GALNT14: variants seen among roughly 807,000 people sequenced by gnomAD.
GALNT14 encodes the protein polypeptide N-acetylgalactosaminyltransferase 14.
In GALNT14, 60 loss-of-function variants were observed where a neutral mutation model predicts 77.5. The ratio of observed to expected loss-of-function variants is 0.77; its 90% CI spans 0.63 to 0.96. GALNT14 has a LOEUF of 0.96. Among genes scored for constraint, GALNT14 ranks in the 40% least tolerant of loss-of-function variants. The pLI is 0.00. For synonymous variants in GALNT14, 280 were observed against 281.7 expected (o/e 0.99, Z 0.06); for missense variants, 710 against 731.0 (o/e 0.97, Z 0.33).
At chr2:31,132,941 G>C (rs1166762882) in intron 1 of GALNT14, among the ~76,000 whole-genome samples, 1 of 152,066 alleles carries the variant, frequency 6.6e-6, no homozygotes, top group Non-Finnish European at 1.5e-5. Flanking sequence ...ATCCTACACT[G>C]GGTGGATCAG....
intron 1 of GALNT14, among the ~76,000 whole-genome samples, chr2:31,047,781 T>C (rs1485887455): frequency 1.3e-5 from 2 of 152,216 alleles, no homozygotes; most frequent in Admixed American, 6.5e-5. Flanking sequence ...AAGCAGGTCC[T>C]GGAATCTGCA....
chr2:31,017,149 C>G (rs1671419335), intron 1 of GALNT14, among the ~76,000 whole-genome samples: 1 of 152,210 alleles, frequency 6.6e-6, no homozygotes. Context: ...GAATTTTGTT[C>G]CCACATTTTC....
intron 8 of GALNT14, among the ~76,000 whole-genome samples, chr2:30,942,620 C>T (rs376765072): frequency 1.3e-5 from 2 of 152,206 alleles, no homozygotes; most frequent in Non-Finnish European, 2.9e-5. Context: ...CCTGCTATTC[C>T]GATGACCCAG....
intron 1 of GALNT14, among the ~76,000 whole-genome samples, chr2:31,021,782 T>C (rs73923392): frequency 0.035 from 5,399 of 152,242 alleles, 311 homozygotes; most frequent in African/African-American, 0.12. Context: ...GAAAAGTTTG[T>C]TGAGTCCTGG....
In GALNT14 at chr2:31,106,910, C is replaced by T. The variant is rs151038887; in HGVS notation, c.129+31048G>A. Among the ~76,000 whole-genome samples the T allele has an allele frequency of 1.5e-4, 23 of 152,274 alleles. No individual in the cohort carries two copies. The East Asian group carries it at 4.4e-3, about 29-fold the overall frequency. Reference sequence around the variant, plus strand: ...GGAAGGAGGGCCCAGGGTAGACTTTCATTACTGAAGTAAGCTTTCTTTGTG... The same window carrying T: ...GGAAGGAGGGCCCAGGGTAGACTTTTATTACTGAAGTAAGCTTTCTTTGTG... On this transcript the variant is annotated intron_variant, in intron 1 of 14. Transcript: ENST00000349752.
At chr2:31,047,329 C>T (rs1448133055) in intron 1 of GALNT14, among the ~76,000 whole-genome samples, 4 of 152,194 alleles carry the variant, frequency 2.6e-5, no homozygotes, top group Admixed American at 2.6e-4. Context: ...GGTGTGGCAT[C>T]ATTCCCTGGG....
intron 1 of GALNT14, among the ~76,000 whole-genome samples, chr2:31,081,958 C>G (rs1265813093): frequency 6.6e-6 from 1 of 152,184 alleles, no homozygotes; most frequent in Non-Finnish European, 1.5e-5. Context: ...TTATTTTCAG[C>G]AGTCTATTTA....
At chr2:31,086,977 T>C (rs1265177161) in intron 1 of GALNT14, among the ~76,000 whole-genome samples, 1 of 152,144 alleles carries the variant, frequency 6.6e-6, no homozygotes, top group Non-Finnish European at 1.5e-5. Flanking sequence ...TTAATTATGG[T>C]AACTGGTAAA....
intron 1 of GALNT14, among the ~76,000 whole-genome samples, chr2:31,099,095 TAA>T (rs1021349161): frequency 8.5e-5 from 13 of 152,258 alleles, no homozygotes; most frequent in Middle Eastern, 3.4e-3. Context: ...TTTTTATATA[TAA>T]GTTAGTATAG....
intron 11 of GALNT14, among the ~76,000 whole-genome samples, chr2:30,928,015 G>A (rs977079677): frequency 2.0e-5 from 3 of 152,146 alleles, no homozygotes; most frequent in Admixed American, 1.3e-4. Flanking sequence ...GACCTTTTGA[G>A]CTCAGTTTTT....
At chr2:30,919,605 C>T (rs150152717) in intron 13 of GALNT14, among the ~76,000 whole-genome samples, 2 of 152,240 alleles carry the variant, frequency 1.3e-5, no homozygotes, top group East Asian at 3.9e-4. Flanking sequence ...ATGTAGATCT[C>T]ATCCCTGGGT....
chr2:31,130,552 G>A (rs188916502), intron 1 of GALNT14, among the ~76,000 whole-genome samples: 1 of 152,268 alleles, frequency 6.6e-6, no homozygotes, highest in East Asian at 1.9e-4. Context: ...ACACCACAGA[G>A]ATGTCCCCTC....
chr2:31,135,978 A>T (rs980797630), intron 1 of GALNT14, among the ~76,000 whole-genome samples: 1 of 152,218 alleles, frequency 6.6e-6, no homozygotes, highest in Admixed American at 6.5e-5. Context: ...CCTGGTGTAA[A>T]CTAAGAATAA....
chr2:31,043,828 C>T (rs1673252805), intron 1 of GALNT14, among the ~76,000 whole-genome samples: 1 of 152,134 alleles, frequency 6.6e-6, no homozygotes, highest in Non-Finnish European at 1.5e-5. Context: ...AATGAAAATA[C>T]AATATGACAG....
intron 1 of GALNT14, among the ~76,000 whole-genome samples, chr2:31,035,674 A>C (rs1055056937): frequency 6.7e-5 from 10 of 149,412 alleles, no homozygotes; most frequent in African/African-American, 9.9e-5. Flanking sequence ...AATACTATGC[A>C]ACCATAAAAA....
chr2:30,942,454 C>A, intron 8 of GALNT14, 150 bp from the exon 9 acceptor site: 1 of 616,382 alleles, frequency 1.6e-6, no homozygotes, highest in Non-Finnish European at 2.9e-6. Flanking sequence ...CTTCCCATTT[C>A]TGTTCCTCTC....
intron 1 of GALNT14, among the ~76,000 whole-genome samples, chr2:31,012,066 TA>T (rs776662983): frequency 8.5e-5 from 13 of 152,224 alleles, no homozygotes; most frequent in Non-Finnish European, 1.8e-4. Flanking sequence ...CAGTTTCCAG[TA>T]CAGAAGATAT....
chr2:31,076,025 G>A (rs556621278), intron 1 of GALNT14, among the ~76,000 whole-genome samples: 4 of 152,132 alleles, frequency 2.6e-5, no homozygotes, highest in Non-Finnish European at 4.4e-5. Flanking sequence ...CAACCTATCC[G>A]TCTACCTGGT....
chr2:30,958,317 AG>A (rs1667485694), intron 4 of GALNT14, 79 bp downstream of exon 4: 1 of 1,245,830 alleles, frequency 8.0e-7, no homozygotes, highest in African/African-American at 1.5e-5. Context: ...CCAGAAAACC[AG>A]TGGACTCACC....
Sources: gnomAD v4.1 joint callset for allele counts (sites outside exome capture counted in the v4.1 genomes callset) on GRCh38, gnomAD v4.1.1 for gene constraint, MANE v1.5 for transcripts, NCBI Gene and HGNC (gene_info 2026-07-23, HGNC 2026-07-21) for gene names.